The following STARD10 variants were observed in gnomAD, a reference collection of about 807,000 sequenced individuals.
STARD10 encodes StAR related lipid transfer domain containing 10.
STARD10 carries 24 observed loss-of-function variants against 36.0 expected under a neutral mutation model. That is an observed-to-expected ratio of 0.67 (90% CI 0.48 to 0.94). STARD10 has a LOEUF of 0.94. Ranked by LOEUF, STARD10 falls within the 40% of genes least tolerant of loss-of-function variation. The pLI is 0.00. For synonymous variants in STARD10, 156 were observed against 161.9 expected (o/e 0.96, Z 0.28); for missense variants, 335 against 396.6 (o/e 0.84, Z 1.32).
At position 72,755,111 on chromosome 11, in the gene STARD10, T is replaced by C. The variant is rs180999000; in HGVS notation, c.662A>G (p.Lys221Arg). 7.2e-4 allele frequency: 1,164 copies of C among 1,613,398 alleles called. 23 individuals carry two copies. In the South Asian group the frequency reaches 0.012, roughly 16 times the overall value. Reference protein sequence around the residue: ...AMKKMYKACLKYPEWKQKHLP... With the variant: ...AMKKMYKACLRYPEWKQKHLP... Reference sequence around the variant, plus strand: ...GTGCTTCTGTTTCCACTCGGGGTACTTGAGGCACGCCTTGTACATCTTCTT... The same window carrying C: ...GTGCTTCTGTTTCCACTCGGGGTACCTGAGGCACGCCTTGTACATCTTCTT... The change falls in exon 7 of 7, where the codon AAG (lysine) becomes AGG (arginine). Residue 221 changes from lysine (K) to arginine (R), a missense_variant. Physicochemically the swap from Lys to Arg is conservative, Grantham distance 26 (BLOSUM62 2). Coordinates refer to ENST00000334805, the MANE Select transcript of STARD10 (RefSeq NM_006645.3).
chr11:72,783,824 T>A (rs1424214184), intron 1 of STARD10, among the ~76,000 whole-genome samples: 1 of 152,092 alleles, frequency 6.6e-6, no homozygotes, highest in African/African-American at 2.4e-5. Context: ...GAGGGCAGAC[T>A]GATAGAAGGA....
At chr11:72,758,011 A>C (rs1858667104) in intron 4 of STARD10, 127 bp from the exon 5 acceptor site, 1 of 853,222 alleles carries the variant, frequency 1.2e-6, no homozygotes, top group Admixed American at 1.8e-5. Flanking sequence ...CATCTGTTAC[A>C]GATCAGTCCT....
At chr11:72,778,623 G>A (rs1858955055) in intron 2 of STARD10, among the ~76,000 whole-genome samples, 1 of 152,164 alleles carries the variant, frequency 6.6e-6, no homozygotes, top group Admixed American at 6.5e-5. Context: ...CTCCATTGTA[G>A]GGAGCAAAGC....
chr11:72,787,940 C>A (rs557313598), intron 1 of STARD10, among the ~76,000 whole-genome samples: 16 of 152,262 alleles, frequency 1.1e-4, no homozygotes, highest in African/African-American at 3.8e-4. Context: ...TTTCCACCTC[C>A]TGGAACTGGT....
At chr11:72,780,018 A>AAGGGAGAAGGCAAGGAAGAGG in intron 2 of STARD10, 1 of 298,124 alleles carries the variant, frequency 3.4e-6, no homozygotes, top group South Asian at 2.6e-5. Flanking sequence ...AGGATAGCAG[A>AAGGGAGAAGGCAAGGAAGAGG]AGGGAGAAGG....
Position 72,754,886 on chromosome 11 carries a change from C to A in STARD10, c.*11G>T. On this transcript the variant is annotated 3_prime_UTR_variant, in exon 7 of 7. Coordinates refer to ENST00000334805, the MANE Select transcript of STARD10 (RefSeq NM_006645.3). ...CCCGGTCCTGTCTCCGTCCCTGAAGCGGTGCGGCGCTCAGGTGAGCGAGGT... is the reference window on the plus strand; with the variant it reads ...CCCGGTCCTGTCTCCGTCCCTGAAGAGGTGCGGCGCTCAGGTGAGCGAGGT... The A allele has an allele frequency of 1.9e-6, 3 of 1,593,262 alleles. No individual in the cohort carries two copies. The highest frequency in any genetic ancestry group is 2.6e-6 in the Non-Finnish European group (3 of 1,175,808).
chr11:72,767,998 C>T (rs1246503430), intron 2 of STARD10, among the ~76,000 whole-genome samples: 2 of 152,152 alleles, frequency 1.3e-5, no homozygotes, highest in Middle Eastern at 3.2e-3. Flanking sequence ...TCCCACTAAC[C>T]CCCAAAGGAC....
At chr11:72,788,977 T>G (rs1312906882) in intron 1 of STARD10, among the ~76,000 whole-genome samples, 17 of 152,332 alleles carry the variant, frequency 1.1e-4, no homozygotes, top group Non-Finnish European at 1.8e-4. Context: ...CTCGTCAGCC[T>G]CCTGAGTAGC....
At chr11:72,786,844 C>T (rs1180681335) in intron 1 of STARD10, among the ~76,000 whole-genome samples, 1 of 152,096 alleles carries the variant, frequency 6.6e-6, no homozygotes, top group Non-Finnish European at 1.5e-5. Flanking sequence ...CTTTGAGATG[C>T]TAAGGTGGGA....
chr11:72,777,965 A>C (rs1316877721), intron 2 of STARD10, among the ~76,000 whole-genome samples: 2 of 152,168 alleles, frequency 1.3e-5, no homozygotes, highest in African/African-American at 4.8e-5. Flanking sequence ...AGGGGGGCAG[A>C]AGCTCAGCAA....
chr11:72,755,765 G>A lies in STARD10; in HGVS notation c.578-12C>T, dbSNP rs375541133. 27 of 1,608,436 alleles carry A rather than the reference G, an allele frequency of 1.7e-5. No homozygotes were observed. The highest frequency in any genetic ancestry group is 6.7e-5 in the African/African-American group (5 of 74,638). ...CTTGGGTAAGGAGCCTGTGAGGGCA[G>A]GGAAGGGAGGAAGCAGCCTCAGGGA... is the stretch of plus-strand genomic sequence containing the variant. On this transcript the variant is annotated splice_polypyrimidine_tract_variant and intron_variant, in intron 5 of 6. Coordinates refer to ENST00000334805, the MANE Select transcript of STARD10 (RefSeq NM_006645.3).
intron 2 of STARD10, among the ~76,000 whole-genome samples, chr11:72,772,723 C>G (rs146040220): frequency 1.3e-5 from 2 of 152,290 alleles, no homozygotes; most frequent in East Asian, 3.9e-4. Flanking sequence ...ATGTCCTCCC[C>G]ACCCTGGTTC....
At chr11:72,773,012 A>G (rs577360657) in intron 2 of STARD10, among the ~76,000 whole-genome samples, 18 of 152,342 alleles carry the variant, frequency 1.2e-4, no homozygotes, top group African/African-American at 3.4e-4. Context: ...GAGTCTCTTA[A>G]GAGCAGGACC....
intron 2 of STARD10, among the ~76,000 whole-genome samples, chr11:72,764,748 G>A (rs1052116511): frequency 2.2e-4 from 33 of 152,352 alleles, no homozygotes; most frequent in African/African-American, 7.5e-4. Context: ...CAGGTGGGCG[G>A]GCCGGTACCA....
intron 2 of STARD10, among the ~76,000 whole-genome samples, chr11:72,773,740 C>A (rs1858894593): frequency 6.6e-6 from 1 of 152,214 alleles, no homozygotes; most frequent in African/African-American, 2.4e-5. Context: ...AAGGCCCCAA[C>A]AGAATCCTCA....
At chr11:72,779,594 A>AT (rs1489529836) in intron 2 of STARD10, among the ~76,000 whole-genome samples, 3 of 151,968 alleles carry the variant, frequency 2.0e-5, no homozygotes, top group Non-Finnish European at 4.4e-5. Context: ...CAAAAAAAAA[A>AT]GAAAAAAGGA....
At chr11:72,786,646 C>T (rs181859515) in intron 1 of STARD10, among the ~76,000 whole-genome samples, 34 of 152,318 alleles carry the variant, frequency 2.2e-4, no homozygotes, top group Admixed American at 2.1e-3. Context: ...TGCACTTCTC[C>T]TAATGTCCTG....
At chr11:72,771,357 C>G (rs961864092) in intron 2 of STARD10, among the ~76,000 whole-genome samples, 1 of 152,156 alleles carries the variant, frequency 6.6e-6, no homozygotes, top group Non-Finnish European at 1.5e-5. Flanking sequence ...TGGAAGGACA[C>G]AGAGCACAGT....
At chr11:72,778,347 G>A (rs1406012824) in intron 2 of STARD10, among the ~76,000 whole-genome samples, 2 of 152,234 alleles carry the variant, frequency 1.3e-5, no homozygotes, top group Admixed American at 1.3e-4. Context: ...CCCCAGACTA[G>A]CCTCGGGGTA....
Sources: allele counts gnomAD v4.1 joint callset (sites outside exome capture counted in the v4.1 genomes callset), GRCh38; gene constraint gnomAD v4.1.1; transcripts MANE v1.5; gene names NCBI Gene and HGNC (gene_info 2026-07-23, HGNC 2026-07-21).